PTPRD: variants seen among roughly 807,000 people sequenced by gnomAD.
The protein encoded by PTPRD is receptor-type tyrosine-protein phosphatase delta.
A neutral mutation model predicts 214.5 loss-of-function variants in PTPRD; 34 were observed. The observed-to-expected ratio is 0.16, with a 90% confidence interval of 0.12 to 0.21. The LOEUF (loss-of-function observed/expected upper bound fraction) is 0.21. PTPRD is among the 10% of genes least tolerant of loss of function. PTPRD has a pLI of 1.00. For missense variants in PTPRD, 2,545 were observed against 2,398.7 expected, an observed-to-expected ratio of 1.06 and a Z score of -1.27; for synonymous variants, 1,128 against 845.7, an observed-to-expected ratio of 1.33 and a Z score of -5.79.
intron 30 of PTPRD, among the ~76,000 whole-genome samples, chr9:8,483,580 G>T (rs951916955): frequency 1.3e-5 from 2 of 152,036 alleles, no homozygotes; most frequent in African/African-American, 2.4e-5. Context: ...GTGAAACCCG[G>T]TCTCTACTAA....
At chr9:8,665,269 T>C (rs1226071468) in intron 12 of PTPRD, among the ~76,000 whole-genome samples, 2 of 152,208 alleles carry the variant, frequency 1.3e-5, no homozygotes, top group Non-Finnish European at 2.9e-5. Context: ...GCAGCAGGTC[T>C]TAATACTCTC....
chr9:9,985,717 T>A (rs1293566139), intron 4 of PTPRD, among the ~76,000 whole-genome samples: 1 of 151,986 alleles, frequency 6.6e-6, no homozygotes, highest in African/African-American at 2.4e-5. Context: ...TAAATATAAG[T>A]GATATTAGAA....
Position 10,016,364 on chromosome 9 carries a change from G to GATAT in PTPRD, c.-472+17353_-472+17354insATAT, listed in dbSNP as rs1473077763. Among the ~76,000 whole-genome samples, 311 of 98,382 alleles carry GATAT rather than the reference G, an allele frequency of 3.2e-3. 3 individuals are homozygous for GATAT. Among genetic ancestry groups the GATAT allele is most frequent in the African/African-American group, 0.011 (295 of 27,808 alleles). 64.5% of individuals were successfully genotyped at this position (98,382 alleles called of 152,430 possible). A position where few individuals can be genotyped will look rare whatever the true frequency, so the allele number is the denominator to read the frequency against. ...AGATAGATGATAGAAAGATTAGATA[G>GATAT]ATAGATAGATAGATAGATAGATAGA... On this transcript the variant is annotated intron_variant, in intron 4 of 45. Coordinates refer to ENST00000381196, the MANE Select transcript of PTPRD (RefSeq NM_002839.4).
chr9:10,099,221 G>A (rs2098526850), intron 3 of PTPRD, among the ~76,000 whole-genome samples: 1 of 151,558 alleles, frequency 6.6e-6, no homozygotes, highest in Admixed American at 6.6e-5. Flanking sequence ...AGACTTCATG[G>A]GTACAAACCC....
chr9:9,243,014 G>A (rs181661829), intron 9 of PTPRD, among the ~76,000 whole-genome samples: 1 of 152,168 alleles, frequency 6.6e-6, no homozygotes, highest in Admixed American at 6.6e-5. Context: ...TACAGATGGG[G>A]TTTTGGTGTG....
intron 8 of PTPRD, among the ~76,000 whole-genome samples, chr9:9,469,298 C>G (rs371779034): frequency 6.6e-6 from 1 of 152,006 alleles, no homozygotes; most frequent in Non-Finnish European, 1.5e-5. Context: ...CTTGCATTAT[C>G]TTTGGATAGT....
chr9:8,327,117 T>C (rs889428516), intron 44 of PTPRD, among the ~76,000 whole-genome samples: 3 of 150,582 alleles, frequency 2.0e-5, no homozygotes, highest in Admixed American at 6.8e-5. Context: ...TCAATTGTGA[T>C]GTTAGGGTGT....
intron 2 of PTPRD, among the ~76,000 whole-genome samples, chr9:10,606,773 C>T (rs998387901): frequency 4.0e-5 from 6 of 151,778 alleles, no homozygotes; most frequent in South Asian, 2.1e-4. Flanking sequence ...TGGCTTTGTT[C>T]TCTGTTCGTG....
chr9:9,378,115 C>G (rs1006791309), intron 9 of PTPRD, among the ~76,000 whole-genome samples: 2 of 152,052 alleles, frequency 1.3e-5, no homozygotes, highest in African/African-American at 4.8e-5. Flanking sequence ...TTAGGGTTCG[C>G]TCTTGGTGTT....
intron 3 of PTPRD, among the ~76,000 whole-genome samples, chr9:10,106,917 G>T (rs1241176708): frequency 1.3e-5 from 2 of 151,818 alleles, no homozygotes; most frequent in African/African-American, 4.8e-5. Flanking sequence ...ATGCCATAAG[G>T]GGAAAAATTT....
chr9:8,560,034 A>G (rs572600037), intron 14 of PTPRD, among the ~76,000 whole-genome samples: 2 of 152,344 alleles, frequency 1.3e-5, no homozygotes, highest in South Asian at 4.1e-4. Context: ...ATATGCAGTA[A>G]GCAAGTAAGA....
At position 9,438,865 on chromosome 9, in the gene PTPRD, T is replaced by A. The variant is rs145977601; in HGVS notation, c.-236-41383A>T. ...AACATAAATGTATCATTTGTATAAA[T>A]GTAAGTTTATATAAACTTTTCTATG... On this transcript the variant is annotated intron_variant, in intron 8 of 45. Transcript: ENST00000381196. Among the ~76,000 whole-genome samples the A allele has an allele frequency of 3.1e-3, 478 of 152,274 alleles. 2 individuals carry two copies. The highest frequency in any genetic ancestry group is 0.011 in the African/African-American group (459 of 41,564).
chr9:10,271,967 A>C (rs142247192), intron 3 of PTPRD, among the ~76,000 whole-genome samples: 1,700 of 152,214 alleles, frequency 0.011, 10 homozygotes, highest in Non-Finnish European at 0.018. Flanking sequence ...ATGAAGATGA[A>C]ATTTTTGTAC....
At chr9:10,399,121 T>C (rs993971472) in intron 2 of PTPRD, among the ~76,000 whole-genome samples, 4 of 151,956 alleles carry the variant, frequency 2.6e-5, no homozygotes, top group Non-Finnish European at 5.9e-5. Context: ...TATAGAATGA[T>C]TGTTAAGAAA....
intron 11 of PTPRD, among the ~76,000 whole-genome samples, chr9:8,826,545 A>G (rs886484498): frequency 1.3e-5 from 2 of 151,894 alleles, no homozygotes; most frequent in African/African-American, 4.8e-5. Context: ...TGCTGATACC[A>G]GCTACCCATA....
chr9:9,266,909 A>C (rs2132490203), intron 9 of PTPRD, among the ~76,000 whole-genome samples: 1 of 151,334 alleles, frequency 6.6e-6, no homozygotes, highest in Middle Eastern at 3.4e-3. Context: ...GAAAAAGAAA[A>C]CTAATGCCAA....
chr9:8,840,155 A>C (rs1200792633), intron 11 of PTPRD, among the ~76,000 whole-genome samples: 2 of 152,212 alleles, frequency 1.3e-5, no homozygotes, highest in Non-Finnish European at 2.9e-5. Flanking sequence ...AGAGCAGTAC[A>C]CATTAGTAGA....
At chr9:9,201,344 G>A (rs1047452206) in intron 9 of PTPRD, among the ~76,000 whole-genome samples, 2 of 152,088 alleles carry the variant, frequency 1.3e-5, no homozygotes, top group Admixed American at 6.6e-5. Context: ...TATTTTTCTC[G>A]ATTGAAGAAA....
Position 8,504,297 on chromosome 9 carries a change from A to C in PTPRD, c.1786T>G (p.Ser596Ala). Residue 596 changes from serine to alanine, a missense_variant, in exon 23 of 46, where the codon TCT becomes GCT. Physicochemically the swap from Ser to Ala is moderately conservative, Grantham distance 99. Coordinates refer to ENST00000381196, the MANE Select transcript of PTPRD (RefSeq NM_002839.4). ...AARSPQGLGA[S>A]TAEISARTMQ... ...GTTCTAGCTGATATTTCTGCAGTAG[A>C]AGCACCCAGGCCTTGAGGGGAGCGT... 6.2e-7 allele frequency: 1 copy of C among 1,614,148 alleles called. No individual in the cohort carries two copies. Among genetic ancestry groups the C allele is most frequent in the Non-Finnish European group, 8.5e-7 (1 of 1,179,978 alleles).
Sources: allele counts gnomAD v4.1 joint callset (sites outside exome capture counted in the v4.1 genomes callset), GRCh38; gene constraint gnomAD v4.1.1; transcripts MANE v1.5; gene names NCBI Gene and HGNC (gene_info 2026-07-23, HGNC 2026-07-21).